Variants in OPCML observed in about 807,000 individuals in gnomAD.
OPCML encodes opioid binding protein/cell adhesion molecule like, also known as opioid-binding protein/cell adhesion molecule.
OPCML carries 13 observed loss-of-function variants against 37.8 expected under a neutral mutation model. That is an observed-to-expected ratio of 0.34 (90% confidence interval 0.22 to 0.55). OPCML has a LOEUF of 0.55. OPCML is among the 20% of genes least tolerant of loss of function. The pLI, the probability that OPCML is intolerant of heterozygous loss-of-function variation, is 0.91. For missense variants in OPCML, 341 were observed against 435.6 expected, an observed-to-expected ratio of 0.78 and a Z score of 1.93; for synonymous variants, 176 against 168.8, an observed-to-expected ratio of 1.04 and a Z score of -0.33.
chr11:133,389,872 G>A (rs989139471), intron 1 of OPCML, among the ~76,000 whole-genome samples: 1 of 152,190 alleles, frequency 6.6e-6, no homozygotes, highest in Non-Finnish European at 1.5e-5. Context: ...CAATGAAGAA[G>A]GATGTCTTTT....
At chr11:133,395,323 A>G (rs1366702477) in intron 1 of OPCML, among the ~76,000 whole-genome samples, 1 of 152,026 alleles carries the variant, frequency 6.6e-6, no homozygotes, top group East Asian at 1.9e-4. Flanking sequence ...CCTGTGAGTT[A>G]TCTCTACTTT....
chr11:133,384,632 C>G (rs779239933), intron 1 of OPCML, among the ~76,000 whole-genome samples: 2 of 152,190 alleles, frequency 1.3e-5, no homozygotes, highest in African/African-American at 2.4e-5. Context: ...CAAAGAAAAT[C>G]CCAGTGCCTT....
chr11:132,487,585 A>T (rs563062446), intron 4 of OPCML, among the ~76,000 whole-genome samples: 2 of 152,258 alleles, frequency 1.3e-5, no homozygotes, highest in South Asian at 4.2e-4. Context: ...TGCTTCCCTT[A>T]GTAGACTCTC....
intron 3 of OPCML, among the ~76,000 whole-genome samples, chr11:132,547,466 A>G (rs2096371357): frequency 6.6e-6 from 1 of 152,134 alleles, no homozygotes. Flanking sequence ...GAAGAAGGCT[A>G]TGACTAGATT....
Position 132,680,352 on chromosome 11 carries a change from AAAG to A in OPCML, c.147-23036_147-23034del, listed in dbSNP as rs1326316342. On this transcript the variant is annotated intron_variant, in intron 2 of 7. Transcript: ENST00000524381. ...AGTCATCATCAGCATCACCAAGTAT[AAAG>A]GAGTAACACAAAGGGCAGGAAATCT... Among the ~76,000 whole-genome samples the A allele has an allele frequency of 2.0e-5, 3 of 152,170 alleles. No homozygotes were observed. The East Asian group carries it at 5.8e-4, about 29-fold the overall frequency.
chr11:132,842,055 A>G (rs936964841), intron 2 of OPCML, among the ~76,000 whole-genome samples: 28 of 152,206 alleles, frequency 1.8e-4, no homozygotes, highest in Admixed American at 1.6e-3. Flanking sequence ...TTCAGAAGCC[A>G]TGGAAATGGA....
At chr11:132,593,767 T>A (rs1438602550) in intron 3 of OPCML, among the ~76,000 whole-genome samples, 4 of 152,274 alleles carry the variant, frequency 2.6e-5, no homozygotes, top group African/African-American at 9.6e-5. Context: ...AATAAATTAA[T>A]CAATTAATGG....
chr11:132,988,675 A>G lies in OPCML; in HGVS notation c.62-45665T>C, dbSNP rs928981261. On this transcript the variant is annotated intron_variant, in intron 1 of 7. Coordinates refer to ENST00000524381, the MANE Select transcript of OPCML (RefSeq NM_001012393.5). ...CTGACACAATGTCACTCCCTCTGCT[A>G]GTTTTGCAGAATAGAAGATTAAAGG... Among the ~76,000 whole-genome samples, 3 of 152,328 alleles carry G rather than the reference A, an allele frequency of 2.0e-5. No homozygotes were observed. In the East Asian group the frequency reaches 5.8e-4, roughly 29 times the overall value.
chr11:132,858,641 G>A (rs1024596654), intron 2 of OPCML, among the ~76,000 whole-genome samples: 1 of 152,128 alleles, frequency 6.6e-6, no homozygotes, highest in Non-Finnish European at 1.5e-5. Context: ...TCCAAGTCCT[G>A]ACTCTGGTAG....
At chr11:132,602,300 C>A (rs1937974420) in intron 3 of OPCML, among the ~76,000 whole-genome samples, 1 of 152,204 alleles carries the variant, frequency 6.6e-6, no homozygotes, top group Non-Finnish European at 1.5e-5. Flanking sequence ...TATATTCTCA[C>A]CTACAAGATG....
At chr11:132,884,338 G>A (rs1242738180) in intron 2 of OPCML, among the ~76,000 whole-genome samples, 1 of 152,216 alleles carries the variant, frequency 6.6e-6, no homozygotes, top group African/African-American at 2.4e-5. Context: ...TATCAAAAAT[G>A]TTAAATGGCT....
intron 3 of OPCML, among the ~76,000 whole-genome samples, chr11:132,617,214 T>C (rs533905219): frequency 1.3e-5 from 2 of 152,350 alleles, no homozygotes; most frequent in Non-Finnish European, 2.9e-5. Flanking sequence ...GTATTTATGA[T>C]ATGTTAGAAA....
At chr11:132,536,133 T>C (rs1357493214) in intron 3 of OPCML, among the ~76,000 whole-genome samples, 1 of 152,156 alleles carries the variant, frequency 6.6e-6, no homozygotes, top group African/African-American at 2.4e-5. Flanking sequence ...CCAGCTTCCA[T>C]TACATCCCTC....
chr11:132,547,263 A>T (rs761398985), intron 3 of OPCML, among the ~76,000 whole-genome samples: 2 of 152,212 alleles, frequency 1.3e-5, no homozygotes, highest in African/African-American at 4.8e-5. Context: ...AAGTCAAGGC[A>T]GAAAAGTGGG....
intron 1 of OPCML, among the ~76,000 whole-genome samples, chr11:133,182,357 G>A (rs1396884812): frequency 6.6e-6 from 1 of 152,180 alleles, no homozygotes. Flanking sequence ...GCAAAGAAGA[G>A]ATGCAGCAAT....
At chr11:133,193,890 G>A (rs1938424178) in intron 1 of OPCML, among the ~76,000 whole-genome samples, 1 of 152,062 alleles carries the variant, frequency 6.6e-6, no homozygotes, top group Admixed American at 6.6e-5. Context: ...AATAATCAAT[G>A]TCCTATATGC....
chr11:132,644,644 C>T (rs1479874939), intron 3 of OPCML, among the ~76,000 whole-genome samples: 1 of 152,182 alleles, frequency 6.6e-6, no homozygotes, highest in East Asian at 1.9e-4. Flanking sequence ...CTTTCCCAGA[C>T]ACACACAGGC....
intron 2 of OPCML, among the ~76,000 whole-genome samples, chr11:132,818,111 G>T (rs146063691): frequency 2.0e-5 from 3 of 152,168 alleles, no homozygotes; most frequent in African/African-American, 4.8e-5. Context: ...GGCTATACTG[G>T]GAACTAGCAA....
chr11:132,641,255 G>A (rs138242608), intron 3 of OPCML, among the ~76,000 whole-genome samples: 19 of 152,266 alleles, frequency 1.2e-4, no homozygotes, highest in South Asian at 4.1e-4. Context: ...CCTTAAGGAC[G>A]TCAATGCTGG....
Sources: allele counts gnomAD v4.1 joint callset (sites outside exome capture counted in the v4.1 genomes callset), GRCh38; gene constraint gnomAD v4.1.1; transcripts MANE v1.5; gene names NCBI Gene and HGNC (gene_info 2026-07-23, HGNC 2026-07-21).